Variants in EXPH5 observed in about 807,000 individuals in gnomAD.
EXPH5 encodes exophilin-5.
A neutral mutation model predicts 41.1 loss-of-function variants in EXPH5; 42 were observed. That is an observed-to-expected ratio of 1.02 (90% confidence interval 0.80 to 1.32). EXPH5 has a LOEUF of 1.32. Ranked by LOEUF, EXPH5 falls within the 40% of genes most tolerant of loss-of-function variation. EXPH5 has a pLI of 0.00. For missense variants in EXPH5, 2,298 were observed against 2,314.5 expected (o/e 0.99, Z 0.15); for synonymous variants, 798 against 833.5 (o/e 0.96, Z 0.73).
chr11:108,512,437 T>C lies in EXPH5; in HGVS notation c.3070A>G (p.Arg1024Gly). ...ELDTIYCTLP[R>G]KSSSFLIHGR... The stretch of plus-strand genomic sequence containing the variant: ...TGTATGAGAAAACTGCTTGATTTTC[T>C]TGGCAAGGTACAATAAATTGTGTCA... Residue 1024 changes from arginine to glycine, a missense_variant, in exon 6 of 6, where the codon AGA (arginine) becomes GGA (glycine). Transcript: ENST00000265843. 2.5e-6 allele frequency: 4 copies of C among 1,612,038 alleles called. No homozygotes were observed. Among genetic ancestry groups the C allele is most frequent in the Non-Finnish European group, 3.4e-6 (4 of 1,179,566 alleles).
chr11:108,596,090 G>T (rs1412888191), upstream of EXPH5, among the ~76,000 whole-genome samples: 1 of 152,074 alleles, frequency 6.6e-6, no homozygotes. Context: ...AGCTACTCGG[G>T]AGGCTGAGGC....
rs754781138 is a variant in EXPH5, at chr11:108,512,830, A to G, written c.2677T>C (p.Ser893Pro). ...ALPDSSPSKN[S>P]SLDAPVVPST... ...GGAACCACAGGAGCATCAAGGGAAG[A>G]ATTCTTTGATGGTGAGGAATCTGGT... is the stretch of plus-strand genomic sequence containing the variant. The change falls in exon 6 of 6, where the codon TCT (serine) becomes CCT (proline). Residue 893 changes from serine (S) to proline (P), a missense_variant. Physicochemically the swap from Ser to Pro is moderately conservative, Grantham distance 74. Transcript: ENST00000265843. 1.4e-5 allele frequency: 23 copies of G among 1,614,078 alleles called. No individual in the cohort carries two copies. Among genetic ancestry groups the G allele is most frequent in the Non-Finnish European group, 1.7e-5 (20 of 1,180,018 alleles).
At chr11:108,524,561 A>G (rs892026825) in intron 4 of EXPH5, among the ~76,000 whole-genome samples, 2 of 152,184 alleles carry the variant, frequency 1.3e-5, no homozygotes, top group African/African-American at 4.8e-5. Context: ...GGTCTTTTAC[A>G]CAACTCCAAT....
chr11:108,525,918 CT>C (rs11390097), intron 4 of EXPH5, among the ~76,000 whole-genome samples: 214 of 132,584 alleles, frequency 1.6e-3, no homozygotes, highest in Non-Finnish European at 2.3e-3. Context: ...TTTTTCTTTT[CT>C]TTTTTTTTTT....
At position 108,512,572 on chromosome 11, in the gene EXPH5, G is replaced by A. The variant is rs1374087634; in HGVS notation, c.2935C>T (p.His979Tyr). The A allele has an allele frequency of 2.5e-6, 4 of 1,612,620 alleles. No homozygotes were observed. Among genetic ancestry groups the A allele is most frequent in the African/African-American group, 2.7e-5 (2 of 74,886 alleles). Residue 979 changes from histidine to tyrosine, a missense_variant, in exon 6 of 6, where the codon CAT (histidine) becomes TAT (tyrosine). Physicochemically the swap from His to Tyr is moderately conservative, Grantham distance 83. Transcript: ENST00000265843. ...CTTAACTTTTCAATACAGGATATAT[G>A]ATGCCTTATTTTTCCTTTTCCTCTT... ...NERGKGKIRHHISCIEKLSKT... is the reference protein window; with the variant it reads ...NERGKGKIRHYISCIEKLSKT...
At chr11:108,582,469 GA>G (rs576403912) in intron 1 of EXPH5, among the ~76,000 whole-genome samples, 5,963 of 131,514 alleles carry the variant, frequency 0.045, 124 homozygotes, top group Middle Eastern at 0.056. Flanking sequence ...CTGTCACAAA[GA>G]AAAAAAAAAA....
chr11:108,589,337 G>C (rs888346355), intron 1 of EXPH5, among the ~76,000 whole-genome samples: 14 of 152,152 alleles, frequency 9.2e-5, no homozygotes, highest in African/African-American at 3.4e-4. Context: ...GAATGTGTAG[G>C]GGAGGCAGGA....
chr11:108,527,398 G>GGA (rs140424664), intron 4 of EXPH5, among the ~76,000 whole-genome samples: 73 of 149,926 alleles, frequency 4.9e-4, no homozygotes, highest in East Asian at 1.6e-3. Context: ...AGAGAGGGAG[G>GGA]GAGAGAGAGA....
chr11:108,538,962 A>C (rs2093896440), intron 3 of EXPH5, 62 bp downstream of exon 3: 3 of 1,358,994 alleles, frequency 2.2e-6, no homozygotes, highest in Admixed American at 2.4e-5. Context: ...AACACAAAAC[A>C]GGCTGCTGGC....
At chr11:108,553,395 T>G (rs2093976610) in intron 1 of EXPH5, among the ~76,000 whole-genome samples, 1 of 152,120 alleles carries the variant, frequency 6.6e-6, no homozygotes. Flanking sequence ...CTCAAGAAGG[T>G]GCTGTAGAAA....
intron 3 of EXPH5, among the ~76,000 whole-genome samples, chr11:108,532,863 A>G (rs1472690002): frequency 6.6e-6 from 1 of 152,088 alleles, no homozygotes. Flanking sequence ...CGGGAGCCCT[A>G]CCTGGACTTT....
chr11:108,570,834 C>T (rs935177459), intron 1 of EXPH5, among the ~76,000 whole-genome samples: 3 of 152,148 alleles, frequency 2.0e-5, no homozygotes, highest in African/African-American at 4.8e-5. Context: ...GCATGAGCCA[C>T]CAAAAAGTAT....
chr11:108,594,010 G>A (rs571095010), upstream of EXPH5, among the ~76,000 whole-genome samples: 2 of 152,288 alleles, frequency 1.3e-5, no homozygotes, highest in South Asian at 2.1e-4. Context: ...CTGTTTGCTC[G>A]CAGAACTTGA....
chr11:108,511,676 T>A lies in EXPH5; in HGVS notation c.3831A>T (p.Leu1277Phe), dbSNP rs116197040. The part of the protein sequence containing the change: ...LLQQYTQNTN[L>F]LIESPQVETE... Reference sequence around the variant, plus strand: ...TCTCCACTTGAGGTGATTCTATAAGTAAATTAGTATTTTGTGTATACTGTT... The same window carrying A: ...TCTCCACTTGAGGTGATTCTATAAGAAAATTAGTATTTTGTGTATACTGTT... The change falls in exon 6 of 6, where the codon TTA (leucine) becomes TTT (phenylalanine). Residue 1277 changes from leucine (L) to phenylalanine (F), a missense_variant. Leu to Phe is a conservative substitution (Grantham distance 22). Transcript: ENST00000265843. The A allele has an allele frequency of 3.6e-5, 57 of 1,603,608 alleles. No individual in the cohort carries two copies. In the East Asian group the frequency reaches 7.8e-4, roughly 22 times the overall value.
intron 1 of EXPH5, among the ~76,000 whole-genome samples, chr11:108,563,046 A>T (rs1469645103): frequency 2.2e-5 from 2 of 92,280 alleles, no homozygotes; most frequent in African/African-American, 3.7e-5. Flanking sequence ...CAAAAGCCAA[A>T]TCTCTCTAGT....
chr11:108,596,781 T>C (rs529517694), upstream of EXPH5, among the ~76,000 whole-genome samples: 25 of 152,298 alleles, frequency 1.6e-4, 1 homozygote, highest in South Asian at 4.1e-3. Flanking sequence ...GGGCATACTA[T>C]TGAGAAATTT....
At chr11:108,517,633 C>T (rs1053398737) in intron 5 of EXPH5, among the ~76,000 whole-genome samples, 5 of 152,214 alleles carry the variant, frequency 3.3e-5, no homozygotes, top group African/African-American at 9.7e-5. Context: ...TTTTTATCAT[C>T]ATACAAGGTT....
At chr11:108,593,788 G>A, upstream of EXPH5, 3 of 1,530,554 alleles carry the variant, frequency 2.0e-6, no homozygotes, top group Admixed American at 2.0e-5. Flanking sequence ...AGGGAGAGAG[G>A]GAACCAATCC....
rs267602685 is a variant in EXPH5, at chr11:108,509,932, C to T, written c.5575G>A (p.Asp1859Asn). Residue 1859 changes from aspartate to asparagine, a missense_variant, in exon 6 of 6, where the codon GAT becomes AAT. Transcript: ENST00000265843. ...CGATAAGCCCAACTTTCATTTCCATCACAGGAGGGGAGTTCAGAAAAAGAT... is the reference window on the plus strand; with the variant it reads ...CGATAAGCCCAACTTTCATTTCCATTACAGGAGGGGAGTTCAGAAAAAGAT... Reference protein sequence around the residue: ...FRSFSELPSCDGNESWAYRSG... With the variant: ...FRSFSELPSCNGNESWAYRSG... 8 of 1,609,990 alleles carry T rather than the reference C, an allele frequency of 5.0e-6. No homozygotes were observed. Among genetic ancestry groups the T allele is most frequent in the Non-Finnish European group, 6.8e-6 (8 of 1,178,628 alleles).
Sources: allele counts gnomAD v4.1 joint callset (sites outside exome capture counted in the v4.1 genomes callset), GRCh38; gene constraint gnomAD v4.1.1; transcripts MANE v1.5; gene names NCBI Gene and HGNC (gene_info 2026-07-23, HGNC 2026-07-21).